CTNNB1: variants seen among roughly 807,000 people sequenced by gnomAD.
CTNNB1 encodes catenin beta 1, also known as catenin beta-1.
A neutral mutation model predicts 82.5 loss-of-function variants in CTNNB1; 6 were observed. The observed-to-expected ratio is 0.07, with a 90% CI of 0.04 to 0.14. The LOEUF (loss-of-function observed/expected upper bound fraction) is 0.14. Among genes scored for constraint, CTNNB1 ranks in the 10% least tolerant of loss-of-function variants. The pLI, the probability that CTNNB1 is intolerant of heterozygous loss-of-function variation, is 1.00. For synonymous variants in CTNNB1, 312 were observed against 329.7 expected (o/e 0.95, Z 0.58); for missense variants, 529 against 980.4 (o/e 0.54, Z 6.15).
chr3:41,238,465 C>T (rs1326895059), intron 14 of CTNNB1: 1 of 210,606 alleles, frequency 4.7e-6, no homozygotes, highest in Admixed American at 5.3e-5. Context: ...TACATAGTTG[C>T]ATTATCATCA....
intron 1 of CTNNB1, chr3:41,221,277 C>T (rs2078043913): frequency 6.6e-6 from 1 of 151,564 alleles, no homozygotes; most frequent in African/African-American, 2.4e-5. Context: ...CCTGTTGCTT[C>T]TAGGGTGTAA....
At chr3:41,199,800 G>C (rs1048859648) in intron 1 of CTNNB1, 130 bp downstream of exon 1, 1 of 151,554 alleles carries the variant, frequency 6.6e-6, no homozygotes, top group Admixed American at 6.6e-5. Flanking sequence ...TGGGAGCGGG[G>C]AGCTCAGGTG....
In CTNNB1 at chr3:41,239,921, A is replaced by AT. The variant is rs34653633; in HGVS notation, c.*598dup. ...ATCAAACCCTAGCCTTGCTTGTTAA[A>AT]TTTTTTTTTTTTTTTTTTTAAGAAT... On this transcript the variant is annotated 3_prime_UTR_variant, in exon 15 of 15. Transcript: ENST00000349496. 0.39 allele frequency: 61,620 copies of AT among 157,668 alleles called. 11,103 individuals are homozygous for AT. The highest frequency in any genetic ancestry group is 0.5 in the South Asian group (2,034 of 4,032). 9.8% of individuals were successfully genotyped at this position (157,668 alleles called of 1,614,324 possible).
intron 7 of CTNNB1, among the ~76,000 whole-genome samples, chr3:41,229,569 CTT>C (rs2078255896): frequency 1.3e-5 from 2 of 152,152 alleles, no homozygotes; most frequent in African/African-American, 2.4e-5. Context: ...TATCCTGAAA[CTT>C]TGCTGAAGTT....
intron 1 of CTNNB1, among the ~76,000 whole-genome samples, chr3:41,212,723 G>A (rs1365547199): frequency 6.6e-6 from 1 of 152,180 alleles, no homozygotes; most frequent in Non-Finnish European, 1.5e-5. Flanking sequence ...TACAGTTTTA[G>A]AAACTCCTGT....
chr3:41,219,749 G>A (rs1291345911), intron 1 of CTNNB1, among the ~76,000 whole-genome samples: 1 of 152,158 alleles, frequency 6.6e-6, no homozygotes, highest in Non-Finnish European at 1.5e-5. Context: ...ATGCATGAAA[G>A]GACTTAAAAT....
In CTNNB1 at chr3:41,227,384, TA is replaced by T. The variant is rs780886792; in HGVS notation, c.1081+33del. 2.5e-6 allele frequency: 4 copies of T among 1,610,150 alleles called. No individual in the cohort carries two copies. The African/African-American group carries it at 4.0e-5, about 16-fold the overall frequency. Reference sequence around the variant, plus strand: ...ATATGTATCTATTCTGAGTCTTGTGTATAGCATCTGCAGTTCTAATTAGATT... The same window carrying T: ...ATATGTATCTATTCTGAGTCTTGTGTTAGCATCTGCAGTTCTAATTAGATT... On this transcript the variant is annotated intron_variant, in intron 7 of 14. Coordinates refer to ENST00000349496, the MANE Select transcript of CTNNB1 (RefSeq NM_001904.4).
At chr3:41,235,654 A>G in intron 10 of CTNNB1, 70 bp from the exon 11 acceptor site, 2 of 1,595,764 alleles carry the variant, frequency 1.3e-6, no homozygotes, top group Non-Finnish European at 1.7e-6. Context: ...AAATAATTAC[A>G]GTCTAATAAT....
intron 14 of CTNNB1, 156 bp downstream of exon 14, chr3:41,238,232 CT>C: frequency 2.9e-6 from 2 of 694,138 alleles, no homozygotes; most frequent in Non-Finnish European, 5.2e-6. Context: ...GCAACAGTAT[CT>C]TTAATGGAGC....
intron 1 of CTNNB1, among the ~76,000 whole-genome samples, chr3:41,205,515 T>G (rs778722458): frequency 2.0e-5 from 3 of 151,912 alleles, no homozygotes; most frequent in Non-Finnish European, 4.4e-5. Context: ...GCCGACGTGG[T>G]GAATACAAAA....
In CTNNB1 at chr3:41,224,387, C is replaced by A. The variant is rs1039778572; in HGVS notation, c.14-139C>A. The A allele has an allele frequency of 1.9e-4, 173 of 921,722 alleles. 1 individual carries two copies. The highest frequency in any genetic ancestry group is 6.9e-4 in the South Asian group (46 of 67,004). The allele number at this position is 921,722 out of a possible 1,614,324, so 57.1% of individuals were successfully genotyped here. A position where few individuals can be genotyped will look rare whatever the true frequency, so the allele number is the denominator to read the frequency against. On this transcript the variant is annotated intron_variant, in intron 2 of 14. Transcript: ENST00000349496. ...TCATCACTGAGCTAACCCTGGCTAT[C>A]ATTCTGCTTTTCTTGGCTGTCTTTC...
In CTNNB1 at chr3:41,238,024, T is replaced by C. The variant is rs199856558; in HGVS notation, c.2085T>C (p.Asp695=). 110 of 1,613,958 alleles carry C rather than the reference T, an allele frequency of 6.8e-5. No homozygotes were observed. In the Middle Eastern group the frequency reaches 9.9e-4, roughly 15 times the overall value. Residue 695 remains aspartate (D), a synonymous_variant, in exon 14 of 15, where the codon GAT becomes GAC. Coordinates refer to ENST00000349496, the MANE Select transcript of CTNNB1 (RefSeq NM_001904.4). ...TGTGCATGTTTATCTAGACTGCTGA[T>C]CTTGGACTTGATATTGGTGCCCAGG... ...TEPMAWNETA[D]LGLDIGAQGE... is the part of the protein sequence containing the mutation.
intron 7 of CTNNB1, among the ~76,000 whole-genome samples, chr3:41,231,844 A>G (rs936424440): frequency 1.3e-5 from 2 of 152,248 alleles, no homozygotes; most frequent in East Asian, 3.8e-4. Context: ...TGAAAGAATC[A>G]TAGAATGTAA....
chr3:41,203,276 A>G (rs530089223), intron 1 of CTNNB1, among the ~76,000 whole-genome samples: 1 of 152,034 alleles, frequency 6.6e-6, no homozygotes, highest in East Asian at 1.9e-4. Flanking sequence ...GATGAGGGAG[A>G]ATCAACTAAG....
chr3:41,206,033 C>T (rs934138419), intron 1 of CTNNB1, among the ~76,000 whole-genome samples: 1 of 152,132 alleles, frequency 6.6e-6, no homozygotes, highest in African/African-American at 2.4e-5. Context: ...AGAGTGTGAA[C>T]ATCTGAATGA....
At chr3:41,210,428 T>C (rs112160575) in intron 1 of CTNNB1, among the ~76,000 whole-genome samples, 34 of 152,236 alleles carry the variant, frequency 2.2e-4, no homozygotes, top group African/African-American at 8.2e-4. Flanking sequence ...CACTCCAGTC[T>C]GGGCGACAGA....
chr3:41,220,286 A>G (rs983527187), intron 1 of CTNNB1, among the ~76,000 whole-genome samples: 1 of 152,048 alleles, frequency 6.6e-6, no homozygotes, highest in Admixed American at 6.6e-5. Flanking sequence ...GACAGTACCA[A>G]AGGCATACAT....
intron 1 of CTNNB1, among the ~76,000 whole-genome samples, chr3:41,208,101 T>C (rs1202532292): frequency 6.6e-6 from 1 of 152,230 alleles, no homozygotes; most frequent in African/African-American, 2.4e-5. Context: ...CTGTCTCTTA[T>C]TTCTGTCATA....
chr3:41,233,334 T>A lies in CTNNB1; in HGVS notation c.1082-7T>A. ...ACTAGGGCCTTATATCCTTTTTAAT[T>A]TTCTAGGTGGAATGCAAGCTTTAGG... On this transcript the variant is annotated splice_region_variant and splice_polypyrimidine_tract_variant and intron_variant, in intron 7 of 14. Transcript: ENST00000349496. 1 of 1,613,940 alleles carries A rather than the reference T, an allele frequency of 6.2e-7. No individual in the cohort carries two copies. Among genetic ancestry groups the A allele is most frequent in the Non-Finnish European group, 8.5e-7 (1 of 1,179,796 alleles).
Sources: allele counts gnomAD v4.1 joint callset (sites outside exome capture counted in the v4.1 genomes callset), GRCh38; gene constraint gnomAD v4.1.1; transcripts MANE v1.5; gene names NCBI Gene and HGNC (gene_info 2026-07-23, HGNC 2026-07-21).